LARGE1: variants seen among roughly 807,000 people sequenced by gnomAD.
LARGE1 encodes xylosyl- and glucuronyltransferase LARGE1.
In LARGE1, 43 loss-of-function variants were observed where a neutral mutation model predicts 87.6. The observed-to-expected ratio is 0.49, with a 90% confidence interval of 0.38 to 0.63. LARGE1 has a LOEUF of 0.63. LARGE1 is among the 30% of genes least tolerant of loss of function. The probability of loss-of-function intolerance (pLI) is 0.00; values close to 1 mark genes in which losing one functional copy is unlikely to be tolerated. For missense variants in LARGE1, 802 were observed against 1,000.2 expected (o/e 0.80, Z 2.67); for synonymous variants, 434 against 394.6 (o/e 1.10, Z -1.18).
chr22:33,075,801 T>A, the LARGE1 span, among the ~76,000 whole-genome samples: 1 of 152,232 alleles, frequency 6.6e-6, no homozygotes, highest in African/African-American at 2.4e-5. Flanking sequence ...ATAGCTGTTA[T>A]AATTGAATAG....
chr22:33,104,915 C>G, the LARGE1 span, among the ~76,000 whole-genome samples: 15 of 81,108 alleles, frequency 1.8e-4, no homozygotes, highest in South Asian at 6.1e-3. Context: ...TTCTTTCTTT[C>G]TTTCTTTCTT....
chr22:33,757,790 T>G (rs1021733507), intron 2 of LARGE1, among the ~76,000 whole-genome samples: 6 of 152,178 alleles, frequency 3.9e-5, no homozygotes, highest in Non-Finnish European at 4.4e-5. Context: ...ATAAATGGAT[T>G]GTAACGTTGT....
intron 12 of LARGE1, among the ~76,000 whole-genome samples, chr22:33,300,749 C>T (rs1273316851): frequency 6.6e-6 from 1 of 152,092 alleles, no homozygotes; most frequent in African/African-American, 2.4e-5. Context: ...ACCATGTTGG[C>T]CAGGATGGTC....
chr22:33,868,165 C>G (rs2064163242), intron 1 of LARGE1, among the ~76,000 whole-genome samples: 1 of 152,194 alleles, frequency 6.6e-6, no homozygotes, highest in African/African-American at 2.4e-5. Context: ...ATGGTGACAA[C>G]AGGCCCTGTG....
chr22:33,301,278 A>G (rs1047769420), intron 12 of LARGE1, among the ~76,000 whole-genome samples: 1 of 152,164 alleles, frequency 6.6e-6, no homozygotes, highest in Admixed American at 6.5e-5. Context: ...TTCCGAGAGA[A>G]TGACATTCCT....
chr22:33,191,423 G>A (rs909536186), intron 11 of LARGE1, among the ~76,000 whole-genome samples: 1 of 152,212 alleles, frequency 6.6e-6, no homozygotes, highest in African/African-American at 2.4e-5. Flanking sequence ...GAACTAACAT[G>A]TTTAATGAGG....
At chr22:33,654,252 T>C (rs2080898788) in intron 2 of LARGE1, among the ~76,000 whole-genome samples, 2 of 152,234 alleles carry the variant, frequency 1.3e-5, no homozygotes, top group African/African-American at 4.8e-5. Context: ...ACTGCTGGCA[T>C]GGAGGAAGTG....
chr22:33,134,697 C>T, the LARGE1 span, among the ~76,000 whole-genome samples: 3 of 152,324 alleles, frequency 2.0e-5, no homozygotes, highest in East Asian at 5.8e-4. Flanking sequence ...CCTCCTGGTG[C>T]ACCAGGTAAG....
At chr22:33,290,632 G>A (rs1450954978) in intron 12 of LARGE1, among the ~76,000 whole-genome samples, 1 of 152,210 alleles carries the variant, frequency 6.6e-6, no homozygotes, top group Admixed American at 6.5e-5. Flanking sequence ...GATGAGAGCT[G>A]GGGGCTGGCA....
intron 5 of LARGE1, among the ~76,000 whole-genome samples, chr22:33,570,556 G>A (rs534358177): frequency 1.3e-5 from 2 of 149,934 alleles, no homozygotes; most frequent in African/African-American, 2.4e-5. Flanking sequence ...GCTGAGGCAG[G>A]AGAATCGCTT....
At chr22:33,662,442 T>G (rs372326245) in intron 2 of LARGE1, among the ~76,000 whole-genome samples, 1 of 152,120 alleles carries the variant, frequency 6.6e-6, no homozygotes, top group African/African-American at 2.4e-5. Context: ...CAACTGGCTT[T>G]GAGACAAATC....
intron 11 of LARGE1, among the ~76,000 whole-genome samples, chr22:33,245,831 C>A (rs1926730394): frequency 6.6e-6 from 1 of 152,174 alleles, no homozygotes; most frequent in Non-Finnish European, 1.5e-5. Context: ...ATCACTTGAA[C>A]CTGGGAGGCG....
intron 2 of LARGE1, among the ~76,000 whole-genome samples, chr22:33,674,153 A>G (rs767548285): frequency 6.6e-6 from 1 of 151,852 alleles, no homozygotes; most frequent in African/African-American, 2.4e-5. Context: ...CATGTTGGCC[A>G]TACTGGTCTC....
At chr22:33,512,133 A>C (rs2071085158) in intron 6 of LARGE1, among the ~76,000 whole-genome samples, 1 of 152,226 alleles carries the variant, frequency 6.6e-6, no homozygotes, top group East Asian at 1.9e-4. Flanking sequence ...TTGCAGTATA[A>C]AGAGACACTT....
intron 7 of LARGE1, among the ~76,000 whole-genome samples, chr22:33,407,945 A>ATACAC (rs1415243873): frequency 6.6e-6 from 1 of 152,186 alleles, no homozygotes; most frequent in Admixed American, 6.6e-5. Context: ...TGTCATAGTA[A>ATACAC]AGTCTGCATG....
At chr22:33,716,164 T>A (rs2082901213) in intron 2 of LARGE1, among the ~76,000 whole-genome samples, 1 of 152,074 alleles carries the variant, frequency 6.6e-6, no homozygotes, top group African/African-American at 2.4e-5. Context: ...TCCTATATCC[T>A]CAGGTTGATG....
chr22:33,566,885 T>C (rs1434906505), intron 5 of LARGE1, among the ~76,000 whole-genome samples: 1 of 152,140 alleles, frequency 6.6e-6, no homozygotes, highest in Admixed American at 6.5e-5. Flanking sequence ...ACATAAAAGT[T>C]CTCCAAGTCC....
chr22:33,118,921 C>A, the LARGE1 span, among the ~76,000 whole-genome samples: 1 of 152,298 alleles, frequency 6.6e-6, no homozygotes, highest in South Asian at 2.1e-4. Flanking sequence ...CTTGAAGGGC[C>A]TTTTGAATCT....
chr22:33,917,768 T>C (rs147382189), intron 1 of LARGE1, among the ~76,000 whole-genome samples: 19 of 152,322 alleles, frequency 1.2e-4, no homozygotes, highest in Non-Finnish European at 2.1e-4. Context: ...ACAATTTAGA[T>C]GTGAGCAGGC....
Sources: gnomAD v4.1 joint callset for allele counts (sites outside exome capture counted in the v4.1 genomes callset) on GRCh38, gnomAD v4.1.1 for gene constraint, MANE v1.5 for transcripts, NCBI Gene and HGNC (gene_info 2026-07-23, HGNC 2026-07-21) for gene names.